The following MDGA2 variants were observed in gnomAD, a reference collection of about 807,000 sequenced individuals.
MDGA2 encodes the protein MAM domain-containing glycosylphosphatidylinositol anchor protein 2.
A neutral mutation model predicts 117.8 loss-of-function variants in MDGA2; 40 were observed. The observed-to-expected ratio is 0.34, with a 90% confidence interval of 0.26 to 0.44. The LOEUF is 0.44. Among genes scored for constraint, MDGA2 ranks in the 20% least tolerant of loss-of-function variants. The pLI, the probability that MDGA2 is intolerant of heterozygous loss-of-function variation, is 1.00. For synonymous variants in MDGA2, 452 were observed against 439.0 expected (o/e 1.03, Z -0.37); for missense variants, 1,123 against 1,250.6 (o/e 0.90, Z 1.54).
At chr14:47,259,166 G>T (rs1326536908) in intron 2 of MDGA2, among the ~76,000 whole-genome samples, 2 of 151,974 alleles carry the variant, frequency 1.3e-5, no homozygotes, top group Non-Finnish European at 2.9e-5. Flanking sequence ...ATATGATTAA[G>T]GTTGCTCAGT....
intron 9 of MDGA2, among the ~76,000 whole-genome samples, chr14:46,936,387 T>A (rs1385987465): frequency 6.6e-6 from 1 of 152,106 alleles, no homozygotes; most frequent in Admixed American, 6.6e-5. Context: ...ATAAAATATC[T>A]TTATTTATGG....
chr14:47,513,549 A>G (rs1003460304), intron 1 of MDGA2, among the ~76,000 whole-genome samples: 1 of 152,052 alleles, frequency 6.6e-6, no homozygotes, highest in Non-Finnish European at 1.5e-5. Flanking sequence ...CTACCCACAT[A>G]GAAAAATAGA....
Position 46,845,813 on chromosome 14 carries a change from A to C in MDGA2, c.2942T>G (p.Val981Gly). 1 of 1,613,438 alleles carries C rather than the reference A, an allele frequency of 6.2e-7. No homozygotes were observed. The highest frequency in any genetic ancestry group is 8.5e-7 in the Non-Finnish European group (1 of 1,179,560). The change falls in exon 16 of 17, where the codon GTA becomes GGA. Residue 981 changes from valine to glycine, a missense_variant. Val to Gly is a moderately radical substitution (Grantham distance 109). This residue lies in a region of MDGA2 where 890 missense variants were observed against 1,050.3 expected (regional missense o/e 0.85). Transcript: ENST00000399232. ...TGCACATTCTCCTTCTGCAATTGAT[A>C]CATCATCAATAGCAATGTCACCTTC... ...GIEGDIAIDD[V>G]SIAEGECAKQ... is the part of the protein sequence containing the mutation.
At chr14:47,450,045 C>CTATATA in intron 1 of MDGA2, among the ~76,000 whole-genome samples, 2 of 151,678 alleles carry the variant, frequency 1.3e-5, no homozygotes, top group South Asian at 4.2e-4. Flanking sequence ...ACGATGTTTT[C>CTATATA]TATATATATA....
chr14:47,344,243 G>C (rs955028970), intron 1 of MDGA2, among the ~76,000 whole-genome samples: 2 of 152,114 alleles, frequency 1.3e-5, no homozygotes, highest in Non-Finnish European at 1.5e-5. Flanking sequence ...TCACAATGCT[G>C]TATTGTCAGG....
chr14:47,112,233 T>C (rs986003208), intron 5 of MDGA2, among the ~76,000 whole-genome samples: 4 of 152,214 alleles, frequency 2.6e-5, no homozygotes, highest in Non-Finnish European at 4.4e-5. Flanking sequence ...CTTATGCTTT[T>C]TTAAAAAATG....
intron 2 of MDGA2, among the ~76,000 whole-genome samples, chr14:47,233,556 A>C (rs1271167430): frequency 1.3e-5 from 2 of 152,060 alleles, no homozygotes; most frequent in Non-Finnish European, 2.9e-5. Flanking sequence ...AATACTCTTC[A>C]TGTGATATGT....
chr14:47,446,767 A>G (rs4900762), intron 1 of MDGA2, among the ~76,000 whole-genome samples: 151,994 of 152,140 alleles, frequency 1, 75,924 homozygotes, highest in Middle Eastern at 1. Flanking sequence ...GGGTATGTGG[A>G]TGTAGAAAAT....
chr14:46,970,847 T>C (rs1189449353), intron 8 of MDGA2, among the ~76,000 whole-genome samples: 1 of 151,762 alleles, frequency 6.6e-6, no homozygotes, highest in Non-Finnish European at 1.5e-5. Flanking sequence ...TCAATAATTT[T>C]TTAAAAATCT....
chr14:47,492,291 T>C (rs143060407), intron 1 of MDGA2, among the ~76,000 whole-genome samples: 23 of 152,244 alleles, frequency 1.5e-4, no homozygotes, highest in Non-Finnish European at 2.9e-4. Context: ...ACAATGGACA[T>C]AAACAGAAGG....
intron 8 of MDGA2, among the ~76,000 whole-genome samples, chr14:47,021,444 T>C (rs1277777475): frequency 1.3e-5 from 2 of 152,204 alleles, no homozygotes; most frequent in Non-Finnish European, 1.5e-5. Context: ...TTTAATAAGA[T>C]TGCAAATGCA....
chr14:47,332,983 T>G (rs1452865873), intron 1 of MDGA2, among the ~76,000 whole-genome samples: 1 of 151,926 alleles, frequency 6.6e-6, no homozygotes, highest in Non-Finnish European at 1.5e-5. Context: ...ATGATTTGAT[T>G]ATTTTTAAAG....
intron 10 of MDGA2, among the ~76,000 whole-genome samples, chr14:46,911,243 G>A (rs1252910581): frequency 1.3e-5 from 2 of 152,034 alleles, no homozygotes; most frequent in African/African-American, 4.8e-5. Flanking sequence ...TTTACAAATG[G>A]TTTCCAAAAC....
At chr14:47,632,997 A>G (rs958774118) in intron 1 of MDGA2, among the ~76,000 whole-genome samples, 1 of 152,192 alleles carries the variant, frequency 6.6e-6, no homozygotes, top group Non-Finnish European at 1.5e-5. Flanking sequence ...TATCTCATAT[A>G]ACTATATAAA....
intron 8 of MDGA2, among the ~76,000 whole-genome samples, chr14:46,988,149 AT>A (rs1051479083): frequency 1.3e-5 from 2 of 150,870 alleles, no homozygotes; most frequent in Non-Finnish European, 3.0e-5. Flanking sequence ...GAAGGGTTGT[AT>A]TTTTTTTTCT....
chr14:46,918,636 C>CTG (rs1220098450), intron 10 of MDGA2, among the ~76,000 whole-genome samples: 1 of 152,096 alleles, frequency 6.6e-6, no homozygotes, highest in Non-Finnish European at 1.5e-5. Context: ...TATCGGTAGC[C>CTG]TGTGTGCACT....
chr14:47,072,298 C>T (rs1472746687), intron 6 of MDGA2, among the ~76,000 whole-genome samples: 1 of 152,058 alleles, frequency 6.6e-6, no homozygotes, highest in Non-Finnish European at 1.5e-5. Flanking sequence ...TGTACCTATA[C>T]ACAGTGAAAA....
chr14:47,382,233 C>T (rs1342003012), intron 1 of MDGA2, among the ~76,000 whole-genome samples: 1 of 152,150 alleles, frequency 6.6e-6, no homozygotes, highest in Non-Finnish European at 1.5e-5. Context: ...ACATGTTAGA[C>T]CTAAAACCAT....
At chr14:47,324,721 A>G (rs978136824) in intron 1 of MDGA2, among the ~76,000 whole-genome samples, 3 of 152,102 alleles carry the variant, frequency 2.0e-5, no homozygotes, top group African/African-American at 7.2e-5. Flanking sequence ...TATCTTTTAT[A>G]AATGGTTTTA....
Sources: gnomAD v4.1 joint callset for allele counts (sites outside exome capture counted in the v4.1 genomes callset) on GRCh38, gnomAD v4.1.1 for gene constraint, gnomAD v4.1.1 regional missense constraint, MANE v1.5 for transcripts, NCBI Gene and HGNC (gene_info 2026-07-23, HGNC 2026-07-21) for gene names.